NEK7: variants seen among roughly 807,000 people sequenced by gnomAD.
NEK7 encodes serine/threonine-protein kinase Nek7.
A neutral mutation model predicts 44.6 loss-of-function variants in NEK7; 18 were observed. The ratio of observed to expected loss-of-function variants is 0.40; its 90% CI spans 0.28 to 0.60. The LOEUF is 0.60. Ranked by LOEUF, NEK7 falls within the 20% of genes least tolerant of loss-of-function variation. NEK7 has a pLI of 0.38. For missense variants in NEK7, 256 were observed against 366.5 expected, an observed-to-expected ratio of 0.70 and a Z score of 2.46; for synonymous variants, 130 against 121.1, an observed-to-expected ratio of 1.07 and a Z score of -0.48.
chr1:198,242,092 C>A (rs1666700341), intron 2 of NEK7, among the ~76,000 whole-genome samples: 1 of 152,070 alleles, frequency 6.6e-6, no homozygotes, highest in Non-Finnish European at 1.5e-5. Flanking sequence ...TCCCTCACTC[C>A]TCATATTCAA....
intron 1 of NEK7, among the ~76,000 whole-genome samples, chr1:198,175,435 A>G (rs968759072): frequency 2.6e-5 from 4 of 152,206 alleles, no homozygotes; most frequent in Non-Finnish European, 5.9e-5. Flanking sequence ...TGTATTCCAT[A>G]AGGCCTTATC....
At chr1:198,307,947 G>A (rs1353234661) in intron 9 of NEK7, among the ~76,000 whole-genome samples, 1 of 152,168 alleles carries the variant, frequency 6.6e-6, no homozygotes, top group African/African-American at 2.4e-5. Flanking sequence ...ACAATGGCAA[G>A]TGGTAAAAGA....
chr1:198,213,932 A>G (rs907238908), intron 1 of NEK7, among the ~76,000 whole-genome samples: 52 of 152,126 alleles, frequency 3.4e-4, no homozygotes, highest in African/African-American at 1.2e-3. Context: ...AAAAATTTAA[A>G]AAGTGCACAT....
chr1:198,266,178 T>C (rs1653646130), intron 5 of NEK7, among the ~76,000 whole-genome samples: 1 of 152,112 alleles, frequency 6.6e-6, no homozygotes, highest in South Asian at 2.1e-4. Flanking sequence ...TTTTTATTCT[T>C]ACAGAGAAAT....
intron 1 of NEK7, among the ~76,000 whole-genome samples, chr1:198,204,721 A>C (rs56979407): frequency 0.037 from 3,847 of 104,726 alleles, 51 homozygotes; most frequent in African/African-American, 0.11. Flanking sequence ...CCGTCTCAAA[A>C]AAAAAAAAAA....
chr1:198,299,322 A>G lies in NEK7; in HGVS notation c.798+2082A>G, dbSNP rs149062727. On this transcript the variant is annotated intron_variant, in intron 9 of 9. Coordinates refer to ENST00000367385, the MANE Select transcript of NEK7 (RefSeq NM_133494.3). ...AGCTTTGAAATGCAGATGTGCTAAT[A>G]AATATTTTCTCTCCTTAAGCAGGAA... Among the ~76,000 whole-genome samples, 23 of 152,366 alleles carry G rather than the reference A, an allele frequency of 1.5e-4. No individual in the cohort carries two copies. The East Asian group carries it at 4.4e-3, about 29-fold the overall frequency.
rs563808314 is a variant in NEK7, at chr1:198,220,344, A to T, written c.-28-12209A>T. Among the ~76,000 whole-genome samples the T allele has an allele frequency of 7.5e-4, 114 of 152,054 alleles. 1 individual carries two copies. The highest frequency in any genetic ancestry group is 1.3e-4 in the Non-Finnish European group (9 of 67,882). On this transcript the variant is annotated intron_variant, in intron 1 of 9. Coordinates refer to ENST00000367385, the MANE Select transcript of NEK7 (RefSeq NM_133494.3). ...CTCAGCCTGAGTCCTAGAACCAATC[A>T]TCTCTCCAAAAAGCCCTAATTCCTT...
chr1:198,195,229 G>A (rs1483755640), intron 1 of NEK7, among the ~76,000 whole-genome samples: 1 of 152,080 alleles, frequency 6.6e-6, no homozygotes, highest in African/African-American at 2.4e-5. Context: ...TAACTGACAT[G>A]TAAGTACCTT....
intron 1 of NEK7, among the ~76,000 whole-genome samples, chr1:198,200,069 A>G (rs1665378902): frequency 6.6e-6 from 1 of 152,024 alleles, no homozygotes; most frequent in Admixed American, 6.5e-5. Context: ...TTGTGCATTC[A>G]TTCATTCTAT....
intron 1 of NEK7, among the ~76,000 whole-genome samples, chr1:198,160,175 T>G (rs1664061015): frequency 6.6e-6 from 1 of 152,206 alleles, no homozygotes; most frequent in Non-Finnish European, 1.5e-5. Flanking sequence ...CTCTGTAGTA[T>G]TACAAATGTC....
intron 5 of NEK7, among the ~76,000 whole-genome samples, chr1:198,275,741 A>C (rs1015342014): frequency 2.0e-5 from 3 of 151,392 alleles, no homozygotes; most frequent in African/African-American, 7.3e-5. Flanking sequence ...TCGAATTTTC[A>C]TTGCCTTTTT....
chr1:198,176,324 G>C (rs1664602834), intron 1 of NEK7, among the ~76,000 whole-genome samples: 1 of 152,126 alleles, frequency 6.6e-6, no homozygotes, highest in Admixed American at 6.6e-5. Context: ...TTTAAAAAAG[G>C]CTACCTGAGT....
intron 9 of NEK7, among the ~76,000 whole-genome samples, chr1:198,301,430 G>A (rs1157968397): frequency 3.9e-5 from 6 of 152,296 alleles, no homozygotes; most frequent in African/African-American, 1.2e-4. Flanking sequence ...GGCGCCTGTA[G>A]TCCCAGCTAC....
intron 9 of NEK7, among the ~76,000 whole-genome samples, chr1:198,307,450 G>T (rs1306519315): frequency 6.6e-6 from 1 of 152,088 alleles, no homozygotes; most frequent in Admixed American, 6.5e-5. Context: ...TTAAAGGATA[G>T]AACTTAGATT....
chr1:198,237,429 T>G (rs1666569196), intron 2 of NEK7, among the ~76,000 whole-genome samples: 1 of 152,148 alleles, frequency 6.6e-6, no homozygotes, highest in African/African-American at 2.4e-5. Flanking sequence ...CCCTCCAGAC[T>G]GACAGCCCAC....
chr1:198,293,456 G>A (rs1165084442), intron 8 of NEK7, among the ~76,000 whole-genome samples: 1 of 151,732 alleles, frequency 6.6e-6, no homozygotes, highest in Non-Finnish European at 1.5e-5. Context: ...GTGTAATTTA[G>A]CATTAAGGAT....
At chr1:198,259,795 G>A (rs578106867) in intron 3 of NEK7, among the ~76,000 whole-genome samples, 65 of 149,506 alleles carry the variant, frequency 4.3e-4, no homozygotes, top group Non-Finnish European at 8.6e-4. Flanking sequence ...AAGAACTTTC[G>A]ATTTTACACA....
intron 7 of NEK7, among the ~76,000 whole-genome samples, chr1:198,288,208 C>T (rs529702829): frequency 6.6e-6 from 1 of 152,290 alleles, no homozygotes; most frequent in South Asian, 2.1e-4. Flanking sequence ...TCAGTCAGTA[C>T]TATAGGCTGC....
intron 1 of NEK7, among the ~76,000 whole-genome samples, chr1:198,226,772 C>A (rs1009781588): frequency 1.3e-5 from 2 of 152,174 alleles, no homozygotes; most frequent in African/African-American, 4.8e-5. Context: ...CCTTTCACCT[C>A]CTTCTTTCTC....
Sources: allele counts gnomAD v4.1 joint callset (sites outside exome capture counted in the v4.1 genomes callset), GRCh38; gene constraint gnomAD v4.1.1; transcripts MANE v1.5; gene names NCBI Gene and HGNC (gene_info 2026-07-23, HGNC 2026-07-21).